Variants in FBXL17 observed in about 807,000 individuals in gnomAD.
FBXL17 encodes the protein F-box/LRR-repeat protein 17.
FBXL17 carries 22 observed loss-of-function variants against 66.2 expected under a neutral mutation model. That is an observed-to-expected ratio of 0.33 (90% CI 0.24 to 0.47). The LOEUF is 0.47. Ranked by LOEUF, FBXL17 falls within the 20% of genes least tolerant of loss-of-function variation. FBXL17 has a pLI of 1.00. For synonymous variants in FBXL17, 474 were observed against 400.5 expected (o/e 1.18, Z -2.19); for missense variants, 878 against 948.2 (o/e 0.93, Z 0.97).
At chr5:107,866,843 G>T (rs1223709610) in intron 8 of FBXL17, among the ~76,000 whole-genome samples, 1 of 152,112 alleles carries the variant, frequency 6.6e-6, no homozygotes, top group Non-Finnish European at 1.5e-5. Flanking sequence ...CTGACAACAA[G>T]GAGAATTTCA....
chr5:107,900,288 T>A (rs1038557885), intron 7 of FBXL17, among the ~76,000 whole-genome samples: 2 of 152,186 alleles, frequency 1.3e-5, no homozygotes, highest in Non-Finnish European at 2.9e-5. Flanking sequence ...CTTCTTTCTA[T>A]CATCTACCCA....
At chr5:108,365,319 G>A (rs981332891) in intron 2 of FBXL17, among the ~76,000 whole-genome samples, 5 of 152,048 alleles carry the variant, frequency 3.3e-5, no homozygotes, top group African/African-American at 1.2e-4. Context: ...TTAGAGTGGG[G>A]CGCCTAGATG....
intron 5 of FBXL17, among the ~76,000 whole-genome samples, chr5:108,206,715 C>T (rs959874084): frequency 2.6e-5 from 4 of 152,166 alleles, no homozygotes; most frequent in Non-Finnish European, 5.9e-5. Context: ...ATTCCTTTAA[C>T]ACCCTGTGTG....
chr5:108,219,462 G>C (rs1754754330), intron 5 of FBXL17, among the ~76,000 whole-genome samples: 1 of 152,106 alleles, frequency 6.6e-6, no homozygotes, highest in South Asian at 2.1e-4. Flanking sequence ...GACATGGGTG[G>C]ATCACCTGAG....
At chr5:108,108,792 T>TG (rs1749914698) in intron 6 of FBXL17, among the ~76,000 whole-genome samples, 1 of 150,922 alleles carries the variant, frequency 6.6e-6, no homozygotes, top group Non-Finnish European at 1.5e-5. Flanking sequence ...TTTTGTTTTT[T>TG]TTTTTTTTGA....
At chr5:108,337,231 G>A (rs1029880696) in intron 4 of FBXL17, among the ~76,000 whole-genome samples, 2 of 151,150 alleles carry the variant, frequency 1.3e-5, no homozygotes, top group African/African-American at 4.9e-5. Context: ...ACTCCAGCCT[G>A]GGTGACAGAG....
intron 6 of FBXL17, among the ~76,000 whole-genome samples, chr5:108,115,382 A>T (rs1034757951): frequency 2.0e-5 from 3 of 151,626 alleles, no homozygotes; most frequent in Admixed American, 6.6e-5. Flanking sequence ...AATTTTTTTT[A>T]AAAAAGCTCA....
At chr5:108,063,537 A>C (rs567962067) in intron 6 of FBXL17, among the ~76,000 whole-genome samples, 1 of 152,270 alleles carries the variant, frequency 6.6e-6, no homozygotes, top group African/African-American at 2.4e-5. Flanking sequence ...TAATACCTTT[A>C]CCATGTAGAG....
intron 4 of FBXL17, among the ~76,000 whole-genome samples, chr5:108,226,688 G>A (rs1194458849): frequency 6.6e-6 from 1 of 152,170 alleles, no homozygotes; most frequent in Non-Finnish European, 1.5e-5. Flanking sequence ...ACTGAGTGAA[G>A]CAGATTGCCT....
intron 1 of FBXL17, among the ~76,000 whole-genome samples, chr5:108,376,852 T>C (rs1749461715): frequency 1.3e-5 from 2 of 149,922 alleles, no homozygotes; most frequent in Non-Finnish European, 3.0e-5. Flanking sequence ...AGCGGTGTGA[T>C]CTCGGCTCAC....
At chr5:107,978,574 A>C (rs1752678297) in intron 7 of FBXL17, among the ~76,000 whole-genome samples, 1 of 152,138 alleles carries the variant, frequency 6.6e-6, no homozygotes, top group East Asian at 1.9e-4. Context: ...CTGGCCACTG[A>C]CTGATTCTAC....
At chr5:107,940,949 G>C (rs542631231) in intron 7 of FBXL17, among the ~76,000 whole-genome samples, 25 of 152,234 alleles carry the variant, frequency 1.6e-4, no homozygotes, top group Non-Finnish European at 2.9e-4. Flanking sequence ...AGGTAGCCTA[G>C]GCTGAGAACC....
At chr5:108,181,910 A>G (rs1324630234) in intron 6 of FBXL17, among the ~76,000 whole-genome samples, 2 of 152,150 alleles carry the variant, frequency 1.3e-5, no homozygotes, top group Non-Finnish European at 2.9e-5. Context: ...TGATGATGGA[A>G]AAATACATCC....
In FBXL17 at chr5:108,043,482, G is replaced by T. The variant is rs1747129329; in HGVS notation, c.1746-22481C>A. Among the ~76,000 whole-genome samples, 5 of 152,106 alleles carry T rather than the reference G, an allele frequency of 3.3e-5. No individual in the cohort carries two copies. In the South Asian group the frequency reaches 1.0e-3, roughly 32 times the overall value. On this transcript the variant is annotated intron_variant, in intron 6 of 8. Coordinates refer to ENST00000542267, the MANE Select transcript of FBXL17 (RefSeq NM_001163315.3). Reference sequence around the variant, plus strand: ...TTTTCCAGCACCATTTATTGAAAAGGCCATCTTTTCTTCATTGAATTGCAT... The same window carrying T: ...TTTTCCAGCACCATTTATTGAAAAGTCCATCTTTTCTTCATTGAATTGCAT...
chr5:107,864,476 T>C lies in FBXL17; in HGVS notation c.1966-2616A>G, dbSNP rs117243686. On this transcript the variant is annotated intron_variant, in intron 8 of 8. Transcript: ENST00000542267. ...TAACATAGTCCAGGTTTTAAGTAAC[T>C]ACTTTGGCATGGTTTGGATATTTGT... is the stretch of plus-strand genomic sequence containing the variant. 1.9e-3 allele frequency among the ~76,000 whole-genome samples: 286 copies of C among 152,324 alleles called. 6 individuals carry two copies. In the East Asian group the frequency reaches 0.052, roughly 28 times the overall value.
At chr5:108,222,875 C>T (rs116714253) in intron 5 of FBXL17, among the ~76,000 whole-genome samples, 1,524 of 151,794 alleles carry the variant, frequency 0.01, 20 homozygotes, top group African/African-American at 0.035. Context: ...AGTTTCACCA[C>T]GTTGGCCAGG....
At chr5:107,961,864 G>C (rs969399531) in intron 7 of FBXL17, among the ~76,000 whole-genome samples, 1 of 152,074 alleles carries the variant, frequency 6.6e-6, no homozygotes, top group East Asian at 1.9e-4. Flanking sequence ...ATAGGTGAGA[G>C]GGAACACAGG....
In FBXL17 at chr5:108,092,716, T is replaced by G. The variant is rs73208862; in HGVS notation, c.1746-71715A>C. ...GTCTCATTAAATGCTTTCCCCAAAATGAGAACACAAGCAGCCTTTTTCAAT... is the reference window on the plus strand; with the variant it reads ...GTCTCATTAAATGCTTTCCCCAAAAGGAGAACACAAGCAGCCTTTTTCAAT... On this transcript the variant is annotated intron_variant, in intron 6 of 8. Coordinates refer to ENST00000542267, the MANE Select transcript of FBXL17 (RefSeq NM_001163315.3). Among the ~76,000 whole-genome samples the G allele has an allele frequency of 4.2e-3, 635 of 152,220 alleles. 4 individuals are homozygous for G. Among genetic ancestry groups the G allele is most frequent in the African/African-American group, 0.015 (608 of 41,524 alleles).
chr5:107,887,238 G>A (rs548399395), intron 7 of FBXL17, among the ~76,000 whole-genome samples: 8 of 152,280 alleles, frequency 5.3e-5, no homozygotes, highest in South Asian at 2.1e-4. Context: ...GTATGGATAA[G>A]CTAAGAATAG....
Sources: allele counts gnomAD v4.1 joint callset (sites outside exome capture counted in the v4.1 genomes callset), GRCh38; gene constraint gnomAD v4.1.1; transcripts MANE v1.5; gene names NCBI Gene and HGNC (gene_info 2026-07-23, HGNC 2026-07-21).